Variants in LRRK1 observed in about 807,000 individuals in gnomAD.
The protein encoded by LRRK1 is leucine-rich repeat serine/threonine-protein kinase 1.
LRRK1 carries 113 observed loss-of-function variants against 209.1 expected under a neutral mutation model. The observed-to-expected ratio is 0.54, with a 90% CI of 0.46 to 0.63. The LOEUF (loss-of-function observed/expected upper bound fraction) is 0.63, where lower values mean the gene tolerates loss of function less well. LRRK1 is among the 30% of genes least tolerant of loss of function. The probability of loss-of-function intolerance (pLI) is 0.00; values close to 1 mark genes in which losing one functional copy is unlikely to be tolerated. For missense variants in LRRK1, 2,284 were observed against 2,632.2 expected (o/e 0.87, Z 2.89); for synonymous variants, 1,144 against 1,099.7 (o/e 1.04, Z -0.80).
chr15:100,981,361 T>C (rs2031588067), intron 3 of LRRK1, among the ~76,000 whole-genome samples: 1 of 152,214 alleles, frequency 6.6e-6, no homozygotes, highest in Admixed American at 6.5e-5. Flanking sequence ...GCAAATGCTT[T>C]CCTGGAATGA....
chr15:100,968,660 CTTTCTTTCTT>C (rs1325806367), intron 2 of LRRK1, among the ~76,000 whole-genome samples: 1 of 149,420 alleles, frequency 6.7e-6, no homozygotes, highest in Non-Finnish European at 1.5e-5. Context: ...CTTTTTCTTT[CTTTCTTTCTT>C]TTTCTTTCTT....
At chr15:100,987,794 A>C (rs2031951240) in intron 4 of LRRK1, among the ~76,000 whole-genome samples, 1 of 152,142 alleles carries the variant, frequency 6.6e-6, no homozygotes, top group Non-Finnish European at 1.5e-5. Flanking sequence ...CCAAAATTAC[A>C]TACTAAATTA....
intron 20 of LRRK1, among the ~76,000 whole-genome samples, chr15:101,042,107 G>A (rs975071031): frequency 6.6e-6 from 1 of 152,172 alleles, no homozygotes; most frequent in Non-Finnish European, 1.5e-5. Flanking sequence ...AGGGAAAAAT[G>A]TTGATTGTTT....
At chr15:100,988,525 C>G in intron 4 of LRRK1, 109 bp from the exon 5 acceptor site, 1 of 989,822 alleles carries the variant, frequency 1.0e-6, no homozygotes, top group Non-Finnish European at 1.6e-6. Flanking sequence ...AAATGTACCA[C>G]ATTTTATTTA....
intron 26 of LRRK1, among the ~76,000 whole-genome samples, chr15:101,053,777 A>G (rs1053686952): frequency 7.4e-6 from 1 of 135,600 alleles, no homozygotes; most frequent in Admixed American, 7.2e-5. Flanking sequence ...CTGCACACGT[A>G]CACGGCTGCT....
rs562800744 is a variant in LRRK1 at position 101,077,890 on chromosome 15, GCATA to G, written c.*9043_*9046del. 1.3e-5 allele frequency: 2 copies of G among 152,182 alleles called. No individual in the cohort carries two copies. The highest frequency in any genetic ancestry group is 1.3e-4 in the Admixed American group (2 of 15,278). The allele number at this position is 152,182 out of a possible 1,614,324, so 9.4% of individuals were successfully genotyped here. A position where few individuals can be genotyped will look rare whatever the true frequency, so the allele number is the denominator to read the frequency against. On this transcript the variant is annotated 3_prime_UTR_variant, in exon 34 of 34. Transcript: ENST00000388948. Reference sequence around the variant, plus strand: ...CCATCGCATCCCCTGTGACCTGCACGCATATATAAGCCCAGATGGCCTGAAGTAA... The same window carrying G: ...CCATCGCATCCCCTGTGACCTGCACGTATAAGCCCAGATGGCCTGAAGTAA...
At chr15:100,993,339 GAGATATAT>G (rs763002160) in intron 6 of LRRK1, among the ~76,000 whole-genome samples, 51 of 152,238 alleles carry the variant, frequency 3.4e-4, no homozygotes, top group Admixed American at 7.8e-4. Context: ...TATAGATATA[GAGATATAT>G]AGATATATAG....
At position 101,061,184 on chromosome 15, in the gene LRRK1, G is replaced by T; in HGVS notation, c.4693G>T (p.Val1565Leu). The T allele has an allele frequency of 1.9e-6, 3 of 1,613,930 alleles. No individual in the cohort carries two copies. The highest frequency in any genetic ancestry group is 2.5e-6 in the Non-Finnish European group (3 of 1,179,804). The change falls in exon 30 of 34, where the codon GTG (valine) becomes TTG (leucine). Residue 1565 changes from valine (V) to leucine (L), a missense_variant. By Grantham distance (32) the Val-to-Leu change is conservative. Around this residue, in one of 6 missense-constraint regions of LRRK1, gnomAD observed 643 missense variants for 695.9 expected, o/e 0.92. Coordinates refer to ENST00000388948, the MANE Select transcript of LRRK1 (RefSeq NM_024652.6). ...TGCCACTTACAGGAACTACACGGTG[G>T]TGAACACAGAGAAGGGCCTCATGGA... ...GKEESRNYTV[V>L]NTEKGLMEVQ...
At chr15:101,058,694 A>G (rs902255821) in intron 29 of LRRK1, among the ~76,000 whole-genome samples, 6 of 139,324 alleles carry the variant, frequency 4.3e-5, no homozygotes, top group African/African-American at 1.7e-4. Flanking sequence ...TTTTCAAGGG[A>G]GTGATACAGA....
At chr15:101,015,789 GA>G (rs1243752950) in intron 12 of LRRK1, among the ~76,000 whole-genome samples, 1 of 152,162 alleles carries the variant, frequency 6.6e-6, no homozygotes, top group Non-Finnish European at 1.5e-5. Flanking sequence ...CAGGGTGTCT[GA>G]GCTTGGCTGC....
chr15:101,055,010 C>T lies in LRRK1; in HGVS notation c.4119C>T (p.Gly1373=), dbSNP rs1233437527. 3 of 1,614,004 alleles carry T rather than the reference C, an allele frequency of 1.9e-6. No homozygotes were observed. Among genetic ancestry groups the T allele is most frequent in the Non-Finnish European group, 2.5e-6 (3 of 1,180,008 alleles). Reference sequence around the variant, plus strand: ...AAATAGCCTACCAGATCGCCTCGGGCCTGGCCTACCTGCACAAGAAAAACA... The same window carrying T: ...AAATAGCCTACCAGATCGCCTCGGGTCTGGCCTACCTGCACAAGAAAAACA... ...TQKIAYQIAS[G]LAYLHKKNII... is the part of the protein sequence containing the mutation. The change falls in exon 27 of 34, where the codon GGC becomes GGT. Residue 1373 remains glycine (G), a synonymous_variant. Transcript: ENST00000388948.
At chr15:101,044,592 A>G (rs1324109820) in intron 20 of LRRK1, among the ~76,000 whole-genome samples, 1 of 152,210 alleles carries the variant, frequency 6.6e-6, no homozygotes, top group Non-Finnish European at 1.5e-5. Flanking sequence ...TTTATTTGCC[A>G]TGTCACCTTC....
intron 20 of LRRK1, among the ~76,000 whole-genome samples, chr15:101,038,718 G>A (rs1047687357): frequency 1.4e-4 from 21 of 152,032 alleles, no homozygotes; most frequent in Non-Finnish European, 4.4e-5. Context: ...TCTATTCAAC[G>A]TGTGATTATC....
chr15:100,943,357 C>T (rs996305124), intron 2 of LRRK1, among the ~76,000 whole-genome samples: 4 of 152,186 alleles, frequency 2.6e-5, no homozygotes, highest in African/African-American at 9.7e-5. Flanking sequence ...AGAGCTAATA[C>T]TAGCATCTGA....
At chr15:101,067,724 A>G (rs1282162745) in intron 33 of LRRK1, among the ~76,000 whole-genome samples, 1 of 152,152 alleles carries the variant, frequency 6.6e-6, no homozygotes, top group Non-Finnish European at 1.5e-5. Flanking sequence ...CAAGATCTGG[A>G]TCTGCTCCTG....
chr15:101,056,942 CAAG>C lies in LRRK1; in HGVS notation c.4423_4425del (p.Lys1475del). 1 of 1,614,184 alleles carries C rather than the reference CAAG, an allele frequency of 6.2e-7. No homozygotes were observed. The highest frequency in any genetic ancestry group is 1.1e-5 in the South Asian group (1 of 91,080). On this transcript the variant is annotated inframe_deletion, in exon 28 of 34. Transcript: ENST00000388948. ...TGGGCCACCACCAGCTCCAGATTGC[CAAG>C]AAGCTGTCCAAGGGCATCCGCCCGG...
rs558910782 is a variant in LRRK1, at chr15:100,990,016, T to G, written c.762+618T>G. Among the ~76,000 whole-genome samples the G allele has an allele frequency of 1.3e-3, 205 of 152,304 alleles. 1 individual carries two copies. Among genetic ancestry groups the G allele is most frequent in the African/African-American group, 4.6e-3 (193 of 41,562 alleles). On this transcript the variant is annotated intron_variant, in intron 6 of 33. Coordinates refer to ENST00000388948, the MANE Select transcript of LRRK1 (RefSeq NM_024652.6). ...TCACAATTGAGAGTGGTAATCAAAA[T>G]TATGAATCTTCTGCCCTTGAAGTAA...
chr15:101,051,864 T>C lies in LRRK1; in HGVS notation c.3593T>C (p.Ile1198Thr). Residue 1198 changes from isoleucine to threonine, a missense_variant, in exon 24 of 34, where the codon ATC becomes ACC. Transcript: ENST00000388948. ...FDMEDCVLTAIERDFISCPRH... is the reference protein window; with the variant it reads ...FDMEDCVLTATERDFISCPRH... ...ATGGAAGACTGTGTCCTGACGGCCA[T>C]CGAGCGGGACTTCATCTCCTGCCCC... The C allele has an allele frequency of 6.2e-7, 1 of 1,614,096 alleles. No homozygotes were observed. Among genetic ancestry groups the C allele is most frequent in the Non-Finnish European group, 8.5e-7 (1 of 1,180,016 alleles).
Position 101,059,125 on chromosome 15 carries a change from C to T in LRRK1, c.4679+984C>T, listed in dbSNP as rs186606572. ...GTTTTTCTGACCAGGCCTTGTGGCTCATGCCTGTAACCCCAGCACTTTAGG... is the reference window on the plus strand; with the variant it reads ...GTTTTTCTGACCAGGCCTTGTGGCTTATGCCTGTAACCCCAGCACTTTAGG... On this transcript the variant is annotated intron_variant, in intron 29 of 33. Transcript: ENST00000388948. 2.0e-5 allele frequency among the ~76,000 whole-genome samples: 3 copies of T among 152,270 alleles called. No homozygotes were observed. The East Asian group carries it at 5.8e-4, about 29-fold the overall frequency.
Sources: gnomAD v4.1 joint callset for allele counts (sites outside exome capture counted in the v4.1 genomes callset) on GRCh38, gnomAD v4.1.1 for gene constraint, gnomAD v4.1.1 regional missense constraint, MANE v1.5 for transcripts, NCBI Gene and HGNC (gene_info 2026-07-23, HGNC 2026-07-21) for gene names.